NLGN1: variants seen among roughly 807,000 people sequenced by gnomAD.
NLGN1 encodes the protein neuroligin-1.
In NLGN1, 12 loss-of-function variants were observed where a neutral mutation model predicts 65.5. The ratio of observed to expected loss-of-function variants is 0.18; its 90% CI spans 0.12 to 0.30. NLGN1 has a LOEUF of 0.30. Among genes scored for constraint, NLGN1 ranks in the 10% least tolerant of loss-of-function variants. The pLI is 1.00. For missense variants in NLGN1, 750 were observed against 1,007.1 expected (o/e 0.74, Z 3.46); for synonymous variants, 350 against 359.5 (o/e 0.97, Z 0.30).
At position 174,278,953 on chromosome 3, in the gene NLGN1, A is replaced by G. The variant is rs1407869100; in HGVS notation, c.952A>G (p.Thr318Ala). The change falls in exon 6 of 7, where the codon ACA becomes GCA. Residue 318 changes from threonine to alanine, a missense_variant. By Grantham distance (58) the Thr-to-Ala change is moderately conservative. Transcript: ENST00000457714. The stretch of plus-strand genomic sequence containing the variant: ...TGCAAAATATGCTAGAATGTTGGCC[A>G]CAAAAGTTGGTTGCAATGTTTCAGA... The G allele has an allele frequency of 1.2e-5, 18 of 1,542,970 alleles. No individual in the cohort carries two copies. The Admixed American group carries it at 3.5e-4, about 30-fold the overall frequency.
intron 4 of NLGN1, among the ~76,000 whole-genome samples, chr3:173,912,139 G>A (rs903742394): frequency 2.0e-5 from 3 of 152,192 alleles, no homozygotes; most frequent in East Asian, 3.9e-4. Context: ...CCTCTGATCC[G>A]AAGAGAGCAT....
At chr3:173,735,484 T>G (rs1773600858) in intron 3 of NLGN1, among the ~76,000 whole-genome samples, 1 of 152,130 alleles carries the variant, frequency 6.6e-6, no homozygotes, top group Non-Finnish European at 1.5e-5. Flanking sequence ...AAAAGACCCT[T>G]CTTACAAGTT....
chr3:174,241,390 C>T (rs894358955), intron 4 of NLGN1, among the ~76,000 whole-genome samples: 2 of 151,582 alleles, frequency 1.3e-5, no homozygotes, highest in East Asian at 3.9e-4. Context: ...AAATAGCTTT[C>T]CCACAGTAGA....
At chr3:174,259,779 A>G (rs1212425753) in intron 4 of NLGN1, among the ~76,000 whole-genome samples, 3 of 150,794 alleles carry the variant, frequency 2.0e-5, no homozygotes, top group Non-Finnish European at 3.0e-5. Context: ...GGTGCGCTGC[A>G]CCCACTAAAT....
intron 4 of NLGN1, among the ~76,000 whole-genome samples, chr3:174,056,597 TACCAGGA>T (rs1736146985): frequency 6.6e-6 from 1 of 152,034 alleles, no homozygotes; most frequent in African/African-American, 2.4e-5. Flanking sequence ...AGTTCTCTAA[TACCAGGA>T]TACATAATGG....
chr3:173,471,200 C>G (rs1314204106), intron 2 of NLGN1, among the ~76,000 whole-genome samples: 1 of 152,040 alleles, frequency 6.6e-6, no homozygotes, highest in Non-Finnish European at 1.5e-5. Context: ...TGTGATATAT[C>G]TACAGGTAGA....
intron 4 of NLGN1, among the ~76,000 whole-genome samples, chr3:174,107,017 C>CACACACAGAG (rs773314392): frequency 6.1e-5 from 6 of 97,684 alleles, no homozygotes; most frequent in Non-Finnish European, 1.2e-4. Flanking sequence ...CACACACACA[C>CACACACAGAG]AGAGAGAGAG....
At chr3:174,212,236 G>A (rs1029464377) in intron 4 of NLGN1, among the ~76,000 whole-genome samples, 5 of 152,182 alleles carry the variant, frequency 3.3e-5, no homozygotes, top group African/African-American at 4.8e-5. Context: ...CTCACTGTCC[G>A]GGGCCAGCAG....
At chr3:174,002,696 CT>C (rs1385154025) in intron 4 of NLGN1, among the ~76,000 whole-genome samples, 1 of 152,034 alleles carries the variant, frequency 6.6e-6, no homozygotes, top group East Asian at 1.9e-4. Context: ...CAGTGAATTT[CT>C]AGTGAAATTT....
chr3:174,087,491 C>T (rs1450166220), intron 4 of NLGN1, among the ~76,000 whole-genome samples: 1 of 151,916 alleles, frequency 6.6e-6, no homozygotes, highest in South Asian at 2.1e-4. Context: ...ACAATTATAC[C>T]ACGAAAGAAA....
intron 3 of NLGN1, among the ~76,000 whole-genome samples, chr3:173,767,306 C>G (rs12635897): frequency 0.64 from 97,064 of 151,776 alleles, 32,303 homozygotes; most frequent in Non-Finnish European, 0.74. Context: ...AAGAATCTAA[C>G]ACGTATTTGA....
intron 4 of NLGN1, among the ~76,000 whole-genome samples, chr3:174,150,547 C>G (rs1191647061): frequency 6.6e-6 from 1 of 152,062 alleles, no homozygotes; most frequent in African/African-American, 2.4e-5. Context: ...TAGAGCCAAC[C>G]CTACCTTCCT....
intron 3 of NLGN1, among the ~76,000 whole-genome samples, chr3:173,803,815 C>T (rs1340042147): frequency 6.6e-6 from 1 of 151,884 alleles, no homozygotes; most frequent in Non-Finnish European, 1.5e-5. Flanking sequence ...AAAAGTCTGC[C>T]TTGAAATGTG....
intron 3 of NLGN1, among the ~76,000 whole-genome samples, chr3:173,774,241 G>A (rs1386594602): frequency 6.6e-6 from 1 of 152,232 alleles, no homozygotes; most frequent in African/African-American, 2.4e-5. Flanking sequence ...GAGAGCCAGA[G>A]CAAGAAATGT....
At chr3:173,671,794 G>C (rs1232220323) in intron 3 of NLGN1, among the ~76,000 whole-genome samples, 2 of 152,180 alleles carry the variant, frequency 1.3e-5, no homozygotes, top group African/African-American at 4.8e-5. Flanking sequence ...GCTTTCTAGA[G>C]ATCAGTGCTC....
chr3:173,402,105 T>G (rs902709154), intron 1 of NLGN1, among the ~76,000 whole-genome samples: 1 of 152,198 alleles, frequency 6.6e-6, no homozygotes, highest in Non-Finnish European at 1.5e-5. Context: ...TCAATATTTC[T>G]TTCTAATGCT....
At chr3:173,975,374 G>A (rs760933749) in intron 4 of NLGN1, among the ~76,000 whole-genome samples, 1 of 151,860 alleles carries the variant, frequency 6.6e-6, no homozygotes, top group Non-Finnish European at 1.5e-5. Flanking sequence ...ATTGGGGAAG[G>A]GAGCTCTGGG....
intron 1 of NLGN1, among the ~76,000 whole-genome samples, chr3:173,419,198 G>A (rs994401761): frequency 2.6e-5 from 4 of 151,052 alleles, no homozygotes; most frequent in East Asian, 1.9e-4. Context: ...AATCAGGAGC[G>A]CTTTCTCTTA....
At chr3:174,142,429 T>A (rs1386672039) in intron 4 of NLGN1, among the ~76,000 whole-genome samples, 1 of 152,160 alleles carries the variant, frequency 6.6e-6, no homozygotes, top group African/African-American at 2.4e-5. Flanking sequence ...CTGATACATA[T>A]GTATAAGTCG....
Sources: gnomAD v4.1 joint callset for allele counts (sites outside exome capture counted in the v4.1 genomes callset) on GRCh38, gnomAD v4.1.1 for gene constraint, MANE v1.5 for transcripts, NCBI Gene and HGNC (gene_info 2026-07-23, HGNC 2026-07-21) for gene names.